Variants in ELMO1 observed in about 807,000 individuals in gnomAD.
The protein encoded by ELMO1 is engulfment and cell motility 1, also known as engulfment and cell motility protein 1.
In ELMO1, 26 loss-of-function variants were observed where a neutral mutation model predicts 98.9. The observed-to-expected ratio is 0.26, with a 90% CI of 0.19 to 0.36. The LOEUF (loss-of-function observed/expected upper bound fraction) is 0.36. Among genes scored for constraint, ELMO1 ranks in the 10% least tolerant of loss-of-function variants. The pLI, the probability that ELMO1 is intolerant of heterozygous loss-of-function variation, is 1.00. For synonymous variants in ELMO1, 346 were observed against 346.0 expected (o/e 1.00, Z 0.00); for missense variants, 627 against 935.2 (o/e 0.67, Z 4.30).
At chr7:37,025,936 T>TC (rs1554395451) in intron 15 of ELMO1, among the ~76,000 whole-genome samples, 22 of 148,282 alleles carry the variant, frequency 1.5e-4, no homozygotes, top group Non-Finnish European at 1.3e-4. Context: ...TATCTATCTA[T>TC]TTTTTTCTAT....
intron 13 of ELMO1, among the ~76,000 whole-genome samples, chr7:37,181,867 A>G (rs1394845867): frequency 6.6e-6 from 1 of 152,206 alleles, no homozygotes; most frequent in Non-Finnish European, 1.5e-5. Flanking sequence ...ATTGCTGATT[A>G]CTGCATCCCT....
intron 4 of ELMO1, among the ~76,000 whole-genome samples, chr7:37,311,323 G>T (rs1169216413): frequency 6.6e-6 from 1 of 151,788 alleles, no homozygotes; most frequent in Non-Finnish European, 1.5e-5. Flanking sequence ...TGGCCAGCTA[G>T]AGAATTTTTT....
chr7:36,945,834 T>C (rs1787434815), intron 16 of ELMO1, among the ~76,000 whole-genome samples: 1 of 152,226 alleles, frequency 6.6e-6, no homozygotes, highest in South Asian at 2.1e-4. Flanking sequence ...AATTTTCTTT[T>C]CAACTGGACC....
intron 14 of ELMO1, among the ~76,000 whole-genome samples, chr7:37,123,580 A>T (rs1004811013): frequency 6.6e-6 from 1 of 152,220 alleles, no homozygotes; most frequent in Admixed American, 6.5e-5. Context: ...TCCCAAGACT[A>T]AACCAGGAAG....
At chr7:37,329,224 G>C (rs1409496382) in intron 2 of ELMO1, among the ~76,000 whole-genome samples, 1 of 152,062 alleles carries the variant, frequency 6.6e-6, no homozygotes, top group Non-Finnish European at 1.5e-5. Context: ...GCAAGATAGA[G>C]GAAAAAATGC....
intron 8 of ELMO1, among the ~76,000 whole-genome samples, chr7:37,228,906 C>T (rs906352575): frequency 1.4e-4 from 22 of 152,056 alleles, no homozygotes; most frequent in Non-Finnish European, 2.2e-4. Context: ...GCAGGAGAAT[C>T]GCGTGAACCC....
At chr7:37,393,254 C>T (rs778668963) in intron 1 of ELMO1, among the ~76,000 whole-genome samples, 1 of 152,156 alleles carries the variant, frequency 6.6e-6, no homozygotes, top group Non-Finnish European at 1.5e-5. Context: ...CCCAGTGGCT[C>T]ACCACCCACT....
At chr7:37,146,391 G>A (rs933001342) in intron 13 of ELMO1, among the ~76,000 whole-genome samples, 3 of 152,142 alleles carry the variant, frequency 2.0e-5, no homozygotes, top group East Asian at 3.9e-4. Flanking sequence ...AAATGCAAGC[G>A]CATGTTAGGG....
At chr7:37,318,306 A>G (rs1799314334) in intron 2 of ELMO1, among the ~76,000 whole-genome samples, 1 of 152,178 alleles carries the variant, frequency 6.6e-6, no homozygotes, top group Non-Finnish European at 1.5e-5. Context: ...GTGATTACTT[A>G]TCAGAGAATC....
intron 13 of ELMO1, among the ~76,000 whole-genome samples, chr7:37,172,307 T>C (rs538642024): frequency 0.014 from 1,095 of 77,288 alleles, 6 homozygotes; most frequent in Non-Finnish European, 0.027. Flanking sequence ...TGTGCTTACA[T>C]TAAAAAAAAA....
chr7:37,402,805 T>C (rs917329901), intron 1 of ELMO1, among the ~76,000 whole-genome samples: 1 of 152,240 alleles, frequency 6.6e-6, no homozygotes, highest in African/African-American at 2.4e-5. Context: ...ATATTATCTT[T>C]AATTTCTGTT....
intron 4 of ELMO1, 122 bp downstream of exon 4, chr7:37,314,728 T>C: frequency 1.3e-6 from 1 of 776,202 alleles, no homozygotes; most frequent in Non-Finnish European, 2.0e-6. Context: ...ACAGACTCTA[T>C]TTTCGTGGAT....
At chr7:37,260,458 C>G (rs1795921759) in intron 5 of ELMO1, among the ~76,000 whole-genome samples, 1 of 152,124 alleles carries the variant, frequency 6.6e-6, no homozygotes, top group Non-Finnish European at 1.5e-5. Context: ...AAGGCAAAAC[C>G]AGTGCTGGCC....
chr7:36,897,570 TAGG>T (rs1242821616), intron 16 of ELMO1, among the ~76,000 whole-genome samples: 1 of 150,392 alleles, frequency 6.6e-6, no homozygotes, highest in Non-Finnish European at 1.5e-5. Flanking sequence ...AAGGGAGGAG[TAGG>T]AGAAGGAAGC....
chr7:37,402,588 G>A (rs1803582889), intron 1 of ELMO1, among the ~76,000 whole-genome samples: 1 of 152,096 alleles, frequency 6.6e-6, no homozygotes, highest in Admixed American at 6.5e-5. Context: ...AAGAGTAGAG[G>A]GAGAGAGAGT....
intron 15 of ELMO1, among the ~76,000 whole-genome samples, chr7:37,088,820 G>C (rs894887151): frequency 6.6e-6 from 1 of 152,084 alleles, no homozygotes; most frequent in Non-Finnish European, 1.5e-5. Flanking sequence ...TTTTAATTTA[G>C]ACCAAAAGTG....
chr7:36,923,554 T>C (rs752706387), intron 16 of ELMO1, among the ~76,000 whole-genome samples: 21 of 152,314 alleles, frequency 1.4e-4, no homozygotes, highest in African/African-American at 4.1e-4. Flanking sequence ...GTGAAGACTA[T>C]AGAATTTTCT....
At chr7:37,121,988 C>A (rs2129288830) in intron 14 of ELMO1, among the ~76,000 whole-genome samples, 1 of 152,312 alleles carries the variant, frequency 6.6e-6, no homozygotes, top group African/African-American at 2.4e-5. Flanking sequence ...ATTCAACATT[C>A]TTAAAGAAAA....
chr7:37,233,741 T>C (rs953361258), intron 7 of ELMO1, among the ~76,000 whole-genome samples: 1 of 152,332 alleles, frequency 6.6e-6, no homozygotes, highest in Non-Finnish European at 1.5e-5. Context: ...AAGTGGTCTA[T>C]ACATCCCTCT....
Sources: gnomAD v4.1 joint callset for allele counts (sites outside exome capture counted in the v4.1 genomes callset) on GRCh38, gnomAD v4.1.1 for gene constraint, MANE v1.5 for transcripts, NCBI Gene and HGNC (gene_info 2026-07-23, HGNC 2026-07-21) for gene names.